The following CMKLR1 variants were observed in gnomAD, a reference collection of about 807,000 sequenced individuals.
The protein encoded by CMKLR1 is chemerin-like receptor 1.
Under a neutral mutation model 8.2 loss-of-function variants are expected in CMKLR1, and 6 were observed. The observed-to-expected ratio is 0.73, with a 90% CI of 0.40 to 1.44. CMKLR1 has a LOEUF of 1.44. Among genes scored for constraint, CMKLR1 ranks in the 40% most tolerant of loss-of-function variants. The pLI is 0.02. For missense variants in CMKLR1, 429 were observed against 478.0 expected (o/e 0.90, Z 0.96); for synonymous variants, 178 against 181.2 (o/e 0.98, Z 0.14).
In CMKLR1 at chr12:108,288,201, C is replaced by A. The variant is rs1002501804; in HGVS notation, c.*3640G>T. 3.9e-5 allele frequency: 6 copies of A among 152,296 alleles called. No individual in the cohort carries two copies. In the South Asian group the frequency reaches 1.2e-3, roughly 32 times the overall value. 9.4% of individuals were successfully genotyped at this position (152,296 alleles called of 1,614,324 possible). On this transcript the variant is annotated 3_prime_UTR_variant, in exon 4 of 4. Coordinates refer to ENST00000550402, the MANE Select transcript of CMKLR1 (RefSeq NM_001142343.2). ...TTTTCCAAACCCAGGATTTGGTAAC[C>A]TTGGGCCTAGGGCATCCCAGCCCCA...
intron 2 of CMKLR1, among the ~76,000 whole-genome samples, chr12:108,298,695 G>A (rs139080531): frequency 6.6e-6 from 1 of 152,348 alleles, no homozygotes; most frequent in African/African-American, 2.4e-5. Context: ...CATAGAGGCA[G>A]GCCGGCCTGA....
intron 1 of CMKLR1, among the ~76,000 whole-genome samples, chr12:108,333,842 A>T (rs1405362715): frequency 6.6e-6 from 1 of 152,240 alleles, no homozygotes; most frequent in African/African-American, 2.4e-5. Context: ...ACTTTTTCTC[A>T]TTCATACCTG....
chr12:108,308,924 G>GT (rs1891480267), intron 2 of CMKLR1, among the ~76,000 whole-genome samples: 1 of 152,194 alleles, frequency 6.6e-6, no homozygotes, highest in African/African-American at 2.4e-5. Context: ...GAGTCGAGGG[G>GT]TAGTCGGGGG....
intron 2 of CMKLR1, among the ~76,000 whole-genome samples, chr12:108,326,010 T>G (rs1173806782): frequency 6.6e-6 from 1 of 152,060 alleles, no homozygotes; most frequent in Non-Finnish European, 1.5e-5. Context: ...TAGACATGAG[T>G]GCACCAAGAT....
At chr12:108,315,387 T>C (rs1325057195) in intron 2 of CMKLR1, among the ~76,000 whole-genome samples, 1 of 152,230 alleles carries the variant, frequency 6.6e-6, no homozygotes, top group Admixed American at 6.5e-5. Flanking sequence ...TCCCTGTTTA[T>C]GCTTCTTGTC....
rs571496128 is a variant in CMKLR1 at position 108,317,577 on chromosome 12, C to T, written c.-74+12418G>A. Among the ~76,000 whole-genome samples, 6 of 152,288 alleles carry T rather than the reference C, an allele frequency of 3.9e-5. No individual in the cohort carries two copies. The East Asian group carries it at 1.2e-3, about 29-fold the overall frequency. ...AGCCGTAGTCAGCTGGGCAATAAAT[C>T]CAGCTAGTTTGAAAACTCCAAATGT... On this transcript the variant is annotated intron_variant, in intron 2 of 3. Coordinates refer to ENST00000550402, the MANE Select transcript of CMKLR1 (RefSeq NM_001142343.2).
chr12:108,337,460 A>G (rs1294079684), intron 1 of CMKLR1, among the ~76,000 whole-genome samples: 2 of 152,184 alleles, frequency 1.3e-5, no homozygotes, highest in Non-Finnish European at 2.9e-5. Context: ...CTGAGGATGC[A>G]GAAAAAAAGT....
intron 1 of CMKLR1, among the ~76,000 whole-genome samples, chr12:108,335,983 C>A (rs938402866): frequency 6.6e-6 from 1 of 152,222 alleles, no homozygotes; most frequent in Non-Finnish European, 1.5e-5. Flanking sequence ...CTCTGCCAAA[C>A]CTTCTGGCCT....
At chr12:108,318,206 A>T (rs916849186) in intron 2 of CMKLR1, among the ~76,000 whole-genome samples, 1 of 152,258 alleles carries the variant, frequency 6.6e-6, no homozygotes, top group Non-Finnish European at 1.5e-5. Flanking sequence ...GTTACAATTA[A>T]CTACATATGT....
intron 2 of CMKLR1, among the ~76,000 whole-genome samples, chr12:108,322,898 T>C (rs893378387): frequency 6.6e-5 from 10 of 152,196 alleles, no homozygotes; most frequent in African/African-American, 9.7e-5. Flanking sequence ...TTTCATCCAA[T>C]TGCCACAGCT....
chr12:108,328,275 A>C (rs950314214), intron 2 of CMKLR1, among the ~76,000 whole-genome samples: 27 of 152,320 alleles, frequency 1.8e-4, no homozygotes, highest in Admixed American at 1.3e-3. Flanking sequence ...CATTGCCTAC[A>C]ACCGGCATTT....
rs1892154793 is a variant in CMKLR1, at chr12:108,333,547, C to T, written c.-286-3340G>A. ...AATAGAAATGCCTTCACTGAACTGA[C>T]CACGTGCTGTACTCAGTGCTTGATG... On this transcript the variant is annotated intron_variant, in intron 1 of 3. Transcript: ENST00000550402. Among the ~76,000 whole-genome samples the T allele has an allele frequency of 2.6e-5, 4 of 152,234 alleles. No homozygotes were observed. The South Asian group carries it at 8.3e-4, about 32-fold the overall frequency.
chr12:108,291,793 G>T lies in CMKLR1; in HGVS notation c.*48C>A. 6.5e-7 allele frequency: 1 copy of T among 1,547,712 alleles called. No homozygotes were observed. ...CTTGATCTTCAGAAGACATATCCTT[G>T]GGTGTCCCTGGGTTGAGAGAGTCCA... On this transcript the variant is annotated 3_prime_UTR_variant, in exon 4 of 4. Transcript: ENST00000550402.
intron 2 of CMKLR1, among the ~76,000 whole-genome samples, chr12:108,308,196 A>G (rs1170565866): frequency 6.6e-6 from 1 of 152,120 alleles, no homozygotes; most frequent in Non-Finnish European, 1.5e-5. Flanking sequence ...GAGCCTCAGG[A>G]GCCTCATCTG....
intron 1 of CMKLR1, among the ~76,000 whole-genome samples, chr12:108,334,651 G>C (rs924696993): frequency 1.3e-5 from 2 of 152,208 alleles, no homozygotes; most frequent in Admixed American, 1.3e-4. Context: ...ACCACACCAT[G>C]TACACGTACA....
chr12:108,311,785 C>T (rs1231145528), intron 2 of CMKLR1, among the ~76,000 whole-genome samples: 1 of 152,190 alleles, frequency 6.6e-6, no homozygotes, highest in Non-Finnish European at 1.5e-5. Flanking sequence ...AGTCAGCGAC[C>T]CCTGACCCAG....
At chr12:108,312,330 A>T (rs1246600603) in intron 2 of CMKLR1, among the ~76,000 whole-genome samples, 1 of 152,160 alleles carries the variant, frequency 6.6e-6, no homozygotes, top group Admixed American at 6.5e-5. Flanking sequence ...GGCCCCTTTC[A>T]TCACAAGACT....
intron 2 of CMKLR1, among the ~76,000 whole-genome samples, chr12:108,316,116 C>A (rs1175971893): frequency 2.0e-5 from 3 of 152,102 alleles, no homozygotes; most frequent in African/African-American, 7.2e-5. Flanking sequence ...AAATGCAGCC[C>A]CTTATTCAAA....
chr12:108,311,576 T>C (rs1040552686), intron 2 of CMKLR1, among the ~76,000 whole-genome samples: 2 of 152,160 alleles, frequency 1.3e-5, no homozygotes, highest in Non-Finnish European at 2.9e-5. Flanking sequence ...CAGTGAGCTA[T>C]GATTGCACCA....
Sources: allele counts gnomAD v4.1 joint callset (sites outside exome capture counted in the v4.1 genomes callset), GRCh38; gene constraint gnomAD v4.1.1; transcripts MANE v1.5; gene names NCBI Gene and HGNC (gene_info 2026-07-23, HGNC 2026-07-21).